Variants in NFASC observed in about 807,000 individuals in gnomAD.
NFASC encodes neurofascin.
Under a neutral mutation model 147.5 loss-of-function variants are expected in NFASC, and 43 were observed. The observed-to-expected ratio is 0.29, with a 90% CI of 0.23 to 0.38. The LOEUF is 0.38. Among genes scored for constraint, NFASC ranks in the 10% least tolerant of loss-of-function variants. The probability of loss-of-function intolerance (pLI) is 1.00; values close to 1 mark genes in which losing one functional copy is unlikely to be tolerated. For synonymous variants in NFASC, 622 were observed against 665.5 expected, an observed-to-expected ratio of 0.93 and a Z score of 1.01; for missense variants, 1,320 against 1,689.0, an observed-to-expected ratio of 0.78 and a Z score of 3.83.
intron 1 of NFASC, among the ~76,000 whole-genome samples, chr1:204,829,378 C>T (rs1165524977): frequency 6.6e-6 from 1 of 151,912 alleles, no homozygotes; most frequent in East Asian, 1.9e-4. Flanking sequence ...CCGCCTTCTC[C>T]CCCCTTTGGC....
chr1:204,991,217 C>A, intron 23 of NFASC, 75 bp from the exon 24 acceptor site: 1 of 1,531,280 alleles, frequency 6.5e-7, no homozygotes, highest in Non-Finnish European at 9.0e-7. Flanking sequence ...TGTGGTCTCA[C>A]TTGTGCTCTG....
Position 204,968,685 on chromosome 1 carries a change from C to A in NFASC, c.819-113C>A. On this transcript the variant is annotated intron_variant, in intron 9 of 29. Coordinates refer to ENST00000339876, the MANE Select transcript of NFASC (RefSeq NM_001005388.3). This position sits in a 1 kb window ranked among gnomAD's most constrained non-coding sequence, Gnocchi z 5.4. ...GAAAGATCAGCTTTTAGAGGACATG[C>A]ATCCTCCTGGGCCCAAGTATACTTT... The A allele has an allele frequency of 1.1e-6, 1 of 892,676 alleles. No homozygotes were observed. Among genetic ancestry groups the A allele is most frequent in the South Asian group, 1.8e-5 (1 of 57,054 alleles). 55.3% of individuals were successfully genotyped at this position (892,676 alleles called of 1,614,324 possible). A position where few individuals can be genotyped will look rare whatever the true frequency, so the allele number is the denominator to read the frequency against.
chr1:205,006,022 G>A (rs2096101007), intron 27 of NFASC, among the ~76,000 whole-genome samples: 2 of 152,178 alleles, frequency 1.3e-5, no homozygotes, highest in South Asian at 4.1e-4. Context: ...GTGCAACTAG[G>A]CCATTGACTA....
chr1:204,966,278 G>A (rs2094943727), intron 8 of NFASC, among the ~76,000 whole-genome samples: 1 of 152,174 alleles, frequency 6.6e-6, no homozygotes, highest in Admixed American at 6.5e-5. Context: ...TTGCTGGGTT[G>A]TGCGTGCTGG....
chr1:204,997,301 G>T lies in NFASC; in HGVS notation c.2914G>T (p.Ala972Ser), dbSNP rs370913780. ...CCCAACTGTCGCACCTACCACCATC[G>T]CCACCACCACCACCGTCGCCACAAC... ...IIPTVAPTTI[A>S]TTTTVATTTT... Residue 972 changes from alanine to serine, a missense_variant, in exon 25 of 30, where the codon GCC becomes TCC. Ala to Ser is a moderately conservative substitution (Grantham distance 99). This residue lies in a region of NFASC where 172 missense variants were observed against 165.8 expected (regional missense o/e 1.04). Transcript: ENST00000339876. 1 of 1,599,476 alleles carries T rather than the reference G, an allele frequency of 6.3e-7. No homozygotes were observed.
At chr1:204,983,056 A>G (rs1449454421) in intron 21 of NFASC, among the ~76,000 whole-genome samples, 2 of 152,212 alleles carry the variant, frequency 1.3e-5, no homozygotes. Context: ...CACTTCAGAC[A>G]GGAGCCCGAT....
Position 204,982,017 on chromosome 1 carries a change from G to T in NFASC, c.2467G>T (p.Asp823Tyr). 6.4e-7 allele frequency: 1 copy of T among 1,559,674 alleles called. No individual in the cohort carries two copies. The highest frequency in any genetic ancestry group is 1.2e-5 in the South Asian group (1 of 82,622). The part of the protein sequence containing the change: ...PESVIGYSGE[D>Y]LPSAPRRFRV... Reference sequence around the variant, plus strand: ...GTCCGTCATCGGTTACTCCGGAGAAGATTGTGAGTAGTCTCCTCCCCGTCC... The same window carrying T: ...GTCCGTCATCGGTTACTCCGGAGAATATTGTGAGTAGTCTCCTCCCCGTCC... The change falls in exon 21 of 30, where the codon GAT becomes TAT. Residue 823 changes from aspartate to tyrosine, a missense_variant. Physicochemically the swap from Asp to Tyr is radical, Grantham distance 160. This residue lies in a region of NFASC where 981 missense variants were observed against 1,289.5 expected (regional missense o/e 0.76). Coordinates refer to ENST00000339876, the MANE Select transcript of NFASC (RefSeq NM_001005388.3).
At chr1:204,991,424 C>G in intron 24 of NFASC, 118 bp downstream of exon 24, 7 of 1,090,848 alleles carry the variant, frequency 6.4e-6, no homozygotes, top group South Asian at 2.7e-5. Context: ...CCAGACTCAC[C>G]CTTTCAGTGG....
At chr1:204,945,632 T>C (rs183328025) in intron 3 of NFASC, among the ~76,000 whole-genome samples, 21 of 152,256 alleles carry the variant, frequency 1.4e-4, no homozygotes, top group African/African-American at 5.1e-4. Flanking sequence ...CCCCCAGGCA[T>C]GTGGACTTGA....
At chr1:204,938,336 T>C (rs980912721) in intron 2 of NFASC, among the ~76,000 whole-genome samples, 2 of 152,236 alleles carry the variant, frequency 1.3e-5, no homozygotes, top group African/African-American at 4.8e-5. Context: ...CTCATCCCTT[T>C]GAGCTCAAAC....
At position 204,982,261 on chromosome 1, in the gene NFASC, A is replaced by G. The variant is rs549784046; in HGVS notation, c.2470+241A>G. ...CCAGTCCAGAATTCTCATTTCACAG[A>G]TGTGAAAACTGAGGCCCAAAAAGGG... On this transcript the variant is annotated intron_variant, in intron 21 of 29. Transcript: ENST00000339876. Among the ~76,000 whole-genome samples the G allele has an allele frequency of 2.9e-4, 44 of 152,296 alleles. No homozygotes were observed. The South Asian group carries it at 3.5e-3, about 12-fold the overall frequency.
At chr1:205,013,109 C>T (rs982904518) in intron 29 of NFASC, among the ~76,000 whole-genome samples, 1 of 152,248 alleles carries the variant, frequency 6.6e-6, no homozygotes, top group Non-Finnish European at 1.5e-5. Flanking sequence ...CTGCCCGACA[C>T]ATGCGTGCAT....
chr1:204,901,640 C>G (rs1477321706), intron 1 of NFASC, among the ~76,000 whole-genome samples: 1 of 152,116 alleles, frequency 6.6e-6, no homozygotes, highest in South Asian at 2.1e-4. Context: ...GTGGGCAACT[C>G]TTCTGAGGCC....
chr1:204,877,068 TTA>T (rs558299722), intron 1 of NFASC, among the ~76,000 whole-genome samples: 1,743 of 93,714 alleles, frequency 0.019, 97 homozygotes, highest in African/African-American at 0.052. Context: ...ATTTATATAT[TTA>T]TATATATATA....
At chr1:205,009,420 AG>A in intron 27 of NFASC, 136 bp from the exon 28 acceptor site, 3 of 925,474 alleles carry the variant, frequency 3.2e-6, no homozygotes, top group Non-Finnish European at 1.8e-6. Flanking sequence ...AGTTTGGGCC[AG>A]GGGGCTGCTA....
intron 3 of NFASC, 66 bp downstream of exon 3, chr1:204,944,472 G>GCC: frequency 7.5e-6 from 3 of 402,572 alleles, no homozygotes; most frequent in East Asian, 6.4e-5. Flanking sequence ...GGAGGGGAGG[G>GCC]AAGGTCAGAG....
chr1:204,928,232 A>G (rs1328617822), intron 2 of NFASC, among the ~76,000 whole-genome samples: 2 of 152,196 alleles, frequency 1.3e-5, no homozygotes, highest in Non-Finnish European at 2.9e-5. Context: ...TCAGGAGGGT[A>G]TACCGACTAC....
At chr1:204,951,920 G>A (rs965803336) in intron 4 of NFASC, 91 bp from the exon 5 acceptor site, 2 of 1,000,388 alleles carry the variant, frequency 2.0e-6, no homozygotes, top group Admixed American at 2.0e-5. Flanking sequence ...TGCATGTGTG[G>A]CTTCTGAAGC....
intron 1 of NFASC, among the ~76,000 whole-genome samples, chr1:204,878,220 G>A (rs1336869475): frequency 6.6e-6 from 1 of 152,218 alleles, no homozygotes; most frequent in Non-Finnish European, 1.5e-5. Flanking sequence ...CTTTTATACA[G>A]CAGCTCTGTG....
Sources: gnomAD v4.1 joint callset for allele counts (sites outside exome capture counted in the v4.1 genomes callset) on GRCh38, gnomAD v4.1.1 for gene constraint, gnomAD v4.1.1 regional missense constraint, Gnocchi (gnomAD v3.1) non-coding constraint, MANE v1.5 for transcripts, NCBI Gene and HGNC (gene_info 2026-07-23, HGNC 2026-07-21) for gene names.